CFAP221: variants seen among roughly 807,000 people sequenced by gnomAD.
CFAP221 encodes cilia- and flagella-associated protein 221.
A neutral mutation model predicts 113.1 loss-of-function variants in CFAP221; 97 were observed. The ratio of observed to expected loss-of-function variants is 0.86; its 90% confidence interval spans 0.73 to 1.02. CFAP221 has a LOEUF of 1.02. Among genes scored for constraint, CFAP221 ranks in the 50% least tolerant of loss-of-function variants. CFAP221 has a pLI of 0.00. For missense variants in CFAP221, 1,025 were observed against 1,013.4 expected (o/e 1.01, Z -0.16); for synonymous variants, 331 against 354.4 (o/e 0.93, Z 0.74).
chr2:119,645,429 T>G (rs1217739224), intron 21 of CFAP221, among the ~76,000 whole-genome samples: 1 of 151,178 alleles, frequency 6.6e-6, no homozygotes, highest in Non-Finnish European at 1.5e-5. Context: ...ATATATACAT[T>G]TTTCTTTTTT....
intron 6 of CFAP221, among the ~76,000 whole-genome samples, chr2:119,571,555 A>T (rs1682060858): frequency 6.6e-6 from 1 of 152,124 alleles, no homozygotes; most frequent in Non-Finnish European, 1.5e-5. Context: ...TTCAGGCTCA[A>T]ACAATCCTCC....
chr2:119,606,786 C>T (rs1684800143), intron 11 of CFAP221, among the ~76,000 whole-genome samples: 1 of 152,098 alleles, frequency 6.6e-6, no homozygotes, highest in Admixed American at 6.6e-5. Flanking sequence ...TGTGTTGTTC[C>T]TTTAATATTT....
intron 13 of CFAP221, among the ~76,000 whole-genome samples, chr2:119,612,079 C>T (rs1574131533): frequency 6.6e-6 from 1 of 152,190 alleles, no homozygotes; most frequent in Admixed American, 6.5e-5. Context: ...TCATTATCCT[C>T]CTTCCCTTGG....
At chr2:119,602,486 C>A in intron 8 of CFAP221, 1 of 359,794 alleles carries the variant, frequency 2.8e-6, no homozygotes, top group Non-Finnish European at 3.9e-6. Context: ...CTTCTTTGCG[C>A]ATGGATACAC....
At chr2:119,601,549 A>C in intron 8 of CFAP221, 172 bp downstream of exon 8, 1 of 569,718 alleles carries the variant, frequency 1.8e-6, no homozygotes, top group Non-Finnish European at 2.8e-6. Context: ...GAATATATCT[A>C]TGCTAGTAGC....
At chr2:119,545,606 C>T (rs1050400787) in intron 1 of CFAP221, among the ~76,000 whole-genome samples, 1 of 152,226 alleles carries the variant, frequency 6.6e-6, no homozygotes, top group Non-Finnish European at 1.5e-5. Flanking sequence ...GAGGGTGACT[C>T]TGAAATGCCA....
At chr2:119,625,506 G>A in intron 14 of CFAP221, 77 bp from the exon 15 acceptor site, 2 of 1,273,674 alleles carry the variant, frequency 1.6e-6, no homozygotes, top group Non-Finnish European at 1.1e-6. Context: ...TGTGGTTGGG[G>A]AAAGTGAATT....
At chr2:119,632,937 A>G (rs543316408) in intron 19 of CFAP221, among the ~76,000 whole-genome samples, 5 of 152,240 alleles carry the variant, frequency 3.3e-5, no homozygotes, top group South Asian at 4.1e-4. Context: ...ACAAAAATGT[A>G]TAAGACCAGT....
chr2:119,577,412 G>A (rs1003489852), intron 6 of CFAP221, among the ~76,000 whole-genome samples: 2 of 152,182 alleles, frequency 1.3e-5, no homozygotes, highest in African/African-American at 2.4e-5. Flanking sequence ...CCTCTAAAAA[G>A]CTTAACAAAC....
intron 6 of CFAP221, among the ~76,000 whole-genome samples, chr2:119,582,068 C>T: frequency 6.6e-6 from 1 of 152,102 alleles, no homozygotes; most frequent in Non-Finnish European, 1.5e-5. Context: ...AATAAACAGT[C>T]AACCTAAAAT....
Position 119,656,531 on chromosome 2 carries a change from T to C in CFAP221, c.*61T>C, listed in dbSNP as rs897960858. On this transcript the variant is annotated 3_prime_UTR_variant, in exon 24 of 24. Coordinates refer to ENST00000413369, the MANE Select transcript of CFAP221 (RefSeq NM_001271049.2). The stretch of plus-strand genomic sequence containing the variant: ...CCGTGGGCCACTGTGGCCCCTTGCG[T>C]CCATTTACATGCCAGCCATCTCTGC... 5.4e-6 allele frequency: 6 copies of C among 1,117,024 alleles called. No individual in the cohort carries two copies. Among genetic ancestry groups the C allele is most frequent in the South Asian group, 3.9e-5 (3 of 76,170 alleles). The allele number at this position is 1,117,024 out of a possible 1,614,324, so 69.2% of individuals were successfully genotyped here. A position where few individuals can be genotyped will look rare whatever the true frequency, so the allele number is the denominator to read the frequency against.
chr2:119,644,124 G>C (rs1056337803), intron 21 of CFAP221, among the ~76,000 whole-genome samples: 1 of 151,994 alleles, frequency 6.6e-6, no homozygotes, highest in South Asian at 2.1e-4. Flanking sequence ...CTGCACTCCC[G>C]CCTGGGCAGT....
chr2:119,561,495 A>G (rs1170889185), intron 5 of CFAP221, among the ~76,000 whole-genome samples: 1 of 152,174 alleles, frequency 6.6e-6, no homozygotes, highest in African/African-American at 2.4e-5. Context: ...TTTAATTCTT[A>G]AAAATGCCTT....
intron 14 of CFAP221, among the ~76,000 whole-genome samples, chr2:119,619,465 A>G (rs1364544723): frequency 2.0e-5 from 3 of 152,224 alleles, no homozygotes; most frequent in Non-Finnish European, 1.5e-5. Flanking sequence ...GTAGACCTCC[A>G]GCAAACTCCA....
chr2:119,644,204 A>T (rs549786786), intron 21 of CFAP221, among the ~76,000 whole-genome samples: 168 of 152,338 alleles, frequency 1.1e-3, no homozygotes, highest in Middle Eastern at 3.4e-3. Context: ...AACAAATTTT[A>T]AAAATGCCCA....
At chr2:119,624,081 C>T (rs996839848) in intron 14 of CFAP221, among the ~76,000 whole-genome samples, 2 of 152,142 alleles carry the variant, frequency 1.3e-5, no homozygotes, top group African/African-American at 4.8e-5. Context: ...AGTGAACAGG[C>T]AACCTATAGA....
intron 2 of CFAP221, 63 bp from the exon 3 acceptor site, chr2:119,549,022 T>C: frequency 8.9e-7 from 1 of 1,118,326 alleles, no homozygotes; most frequent in Non-Finnish European, 1.2e-6. Flanking sequence ...TTAATAAGGA[T>C]CAACTTTAAT....
At chr2:119,545,627 A>G (rs1194390457) in intron 1 of CFAP221, among the ~76,000 whole-genome samples, 1 of 152,190 alleles carries the variant, frequency 6.6e-6, no homozygotes, top group African/African-American at 2.4e-5. Context: ...GTGTCCTGTA[A>G]ACAGTGCCTC....
intron 1 of CFAP221, chr2:119,545,043 A>T (rs1169657840): frequency 1.5e-5 from 2 of 136,530 alleles, no homozygotes; most frequent in Non-Finnish European, 3.1e-5. Flanking sequence ...GTGCGAGGGG[A>T]GGGGAGAAGA....
Sources: allele counts gnomAD v4.1 joint callset (sites outside exome capture counted in the v4.1 genomes callset), GRCh38; gene constraint gnomAD v4.1.1; transcripts MANE v1.5; gene names NCBI Gene and HGNC (gene_info 2026-07-23, HGNC 2026-07-21).